CSMD1: variants seen among roughly 807,000 people sequenced by gnomAD.
The protein encoded by CSMD1 is CUB and sushi domain-containing protein 1.
CSMD1 carries 213 observed loss-of-function variants against 417.5 expected under a neutral mutation model. The ratio of observed to expected loss-of-function variants is 0.51; its 90% CI spans 0.46 to 0.57. CSMD1 has a LOEUF of 0.57. Among genes scored for constraint, CSMD1 ranks in the 20% least tolerant of loss-of-function variants. The probability of loss-of-function intolerance (pLI) is 0.00; values close to 1 mark genes in which losing one functional copy is unlikely to be tolerated. For synonymous variants in CSMD1, 2,862 were observed against 1,736.8 expected, an observed-to-expected ratio of 1.65 and a Z score of -16.11; for missense variants, 6,923 against 4,529.7, an observed-to-expected ratio of 1.53 and a Z score of -15.17.
At chr8:4,197,620 T>C (rs191192150) in intron 3 of CSMD1, among the ~76,000 whole-genome samples, 6 of 152,338 alleles carry the variant, frequency 3.9e-5, no homozygotes, top group Non-Finnish European at 7.3e-5. Context: ...GGCTCATGCC[T>C]GAAATCCCAG....
At chr8:4,826,764 T>G (rs940743370) in intron 1 of CSMD1, among the ~76,000 whole-genome samples, 2 of 152,150 alleles carry the variant, frequency 1.3e-5, no homozygotes, top group Non-Finnish European at 2.9e-5. Context: ...GTTTTAAACA[T>G]AGGAGCTCCC....
At chr8:3,934,803 C>T (rs190588625) in intron 5 of CSMD1, among the ~76,000 whole-genome samples, 3 of 152,122 alleles carry the variant, frequency 2.0e-5, no homozygotes, top group East Asian at 1.9e-4. Context: ...GCCAAAATCA[C>T]GCCACTGCAC....
intron 5 of CSMD1, among the ~76,000 whole-genome samples, chr8:3,945,225 T>C (rs992194323): frequency 6.0e-5 from 9 of 148,856 alleles, no homozygotes; most frequent in Admixed American, 2.7e-4. Flanking sequence ...TTCTGGAAAA[T>C]TGTCTTTAGA....
intron 23 of CSMD1, among the ~76,000 whole-genome samples, chr8:3,313,325 A>C (rs1805498451): frequency 6.6e-6 from 1 of 152,236 alleles, no homozygotes; most frequent in African/African-American, 2.4e-5. Flanking sequence ...CATCAGAGTG[A>C]ACAGGCAACA....
In CSMD1 at chr8:3,725,157, G is replaced by A. The variant is rs75012430; in HGVS notation, c.932-16666C>T. Among the ~76,000 whole-genome samples, 974 of 152,256 alleles carry A rather than the reference G, an allele frequency of 6.4e-3. 6 individuals are homozygous for A. Among genetic ancestry groups the A allele is most frequent in the African/African-American group, 0.021 (852 of 41,550 alleles). On this transcript the variant is annotated intron_variant, in intron 6 of 69. Transcript: ENST00000635120. ...GCAGATAGATAGGAAAGGGACTAAA[G>A]GAGGGAGCTGTGCCCTGAAGGCAAG...
At chr8:3,401,153 C>G (rs979767721) in intron 15 of CSMD1, among the ~76,000 whole-genome samples, 2 of 151,690 alleles carry the variant, frequency 1.3e-5, no homozygotes, top group Non-Finnish European at 2.9e-5. Context: ...TTTATTTTGT[C>G]ATGTTTAACC....
intron 69 of CSMD1, among the ~76,000 whole-genome samples, chr8:2,941,692 G>A (rs1027998621): frequency 2.0e-5 from 3 of 152,150 alleles, no homozygotes; most frequent in African/African-American, 7.2e-5. Context: ...GCAAATTGAT[G>A]GGTATTCAGA....
intron 5 of CSMD1, among the ~76,000 whole-genome samples, chr8:3,787,823 T>G (rs1242770452): frequency 6.6e-6 from 1 of 152,160 alleles, no homozygotes. Flanking sequence ...GAATAAGAAA[T>G]CAGTGTCCTA....
At chr8:3,950,105 A>G (rs1811505771) in intron 5 of CSMD1, 10 of 427,578 alleles carry the variant, frequency 2.3e-5, no homozygotes, top group South Asian at 1.5e-4. Flanking sequence ...AGGCAATGAT[A>G]ATAATAATTA....
chr8:4,014,164 C>G (rs1193114761), intron 4 of CSMD1, among the ~76,000 whole-genome samples: 2 of 152,102 alleles, frequency 1.3e-5, no homozygotes, highest in East Asian at 3.8e-4. Context: ...ACTGTCATAA[C>G]ATTAGAAATG....
At chr8:4,045,991 C>T (rs947573826) in intron 3 of CSMD1, among the ~76,000 whole-genome samples, 2 of 151,922 alleles carry the variant, frequency 1.3e-5, no homozygotes, top group East Asian at 1.9e-4. Flanking sequence ...GGATATAATT[C>T]AAAATAATGG....
intron 3 of CSMD1, among the ~76,000 whole-genome samples, chr8:4,321,739 C>T (rs181818387): frequency 3.9e-5 from 6 of 152,154 alleles, no homozygotes; most frequent in East Asian, 1.9e-4. Context: ...TATTACTATA[C>T]GATTAAGAGT....
At chr8:3,616,872 G>A (rs1428644664) in intron 7 of CSMD1, 75 bp from the exon 8 acceptor site, 3 of 1,005,170 alleles carry the variant, frequency 3.0e-6, no homozygotes, top group African/African-American at 1.6e-5. Context: ...TTTATTCTAG[G>A]CATTTTCAGT....
intron 5 of CSMD1, among the ~76,000 whole-genome samples, chr8:3,959,851 C>T (rs991969615): frequency 6.6e-6 from 1 of 152,170 alleles, no homozygotes; most frequent in African/African-American, 2.4e-5. Flanking sequence ...GAAAAACTTT[C>T]TATATTGTGA....
At chr8:4,749,504 G>C (rs1156675519) in intron 1 of CSMD1, among the ~76,000 whole-genome samples, 3 of 152,102 alleles carry the variant, frequency 2.0e-5, no homozygotes, top group Non-Finnish European at 4.4e-5. Flanking sequence ...GATGACTTGT[G>C]GTTAGCACGT....
At chr8:3,269,983 G>A (rs544217754) in intron 26 of CSMD1, among the ~76,000 whole-genome samples, 3 of 151,542 alleles carry the variant, frequency 2.0e-5, no homozygotes, top group South Asian at 2.1e-4. Context: ...CTCCATTGAT[G>A]GCCATCAACA....
chr8:3,119,903 T>C (rs1203521714), intron 41 of CSMD1, among the ~76,000 whole-genome samples: 1 of 152,204 alleles, frequency 6.6e-6, no homozygotes, highest in Non-Finnish European at 1.5e-5. Context: ...CACCGGTCAC[T>C]GTCCTCACAA....
chr8:3,021,141 G>A (rs1401898361), intron 51 of CSMD1, among the ~76,000 whole-genome samples: 3 of 152,142 alleles, frequency 2.0e-5, no homozygotes, highest in South Asian at 4.1e-4. Flanking sequence ...CGCCTTCAAT[G>A]GTAGAGAAGC....
At chr8:3,713,584 C>G (rs1801651450) in intron 6 of CSMD1, among the ~76,000 whole-genome samples, 1 of 152,098 alleles carries the variant, frequency 6.6e-6, no homozygotes, top group South Asian at 2.1e-4. Context: ...GAAACCAAGT[C>G]GTATCTTCTG....
Sources: allele counts gnomAD v4.1 joint callset (sites outside exome capture counted in the v4.1 genomes callset), GRCh38; gene constraint gnomAD v4.1.1; transcripts MANE v1.5; gene names NCBI Gene and HGNC (gene_info 2026-07-23, HGNC 2026-07-21).